The following PRDM6 variants were observed in gnomAD, a reference collection of about 807,000 sequenced individuals.
PRDM6 encodes the protein putative histone-lysine N-methyltransferase PRDM6.
A neutral mutation model predicts 60.8 loss-of-function variants in PRDM6; 25 were observed. That is an observed-to-expected ratio of 0.41 (90% CI 0.30 to 0.57). The LOEUF is 0.57. PRDM6 is among the 20% of genes least tolerant of loss of function. The pLI is 0.27. For missense variants in PRDM6, 839 were observed against 821.3 expected (o/e 1.02, Z -0.26); for synonymous variants, 407 against 357.4 (o/e 1.14, Z -1.57).
chr5:123,141,806 G>T (rs1765109698), intron 3 of PRDM6, among the ~76,000 whole-genome samples: 1 of 152,146 alleles, frequency 6.6e-6, no homozygotes, highest in Admixed American at 6.5e-5. Flanking sequence ...TGAGCACTTA[G>T]TGTGTGTCAG....
intron 3 of PRDM6, among the ~76,000 whole-genome samples, chr5:123,129,993 TC>T (rs1372580910): frequency 5.1e-5 from 7 of 138,144 alleles, no homozygotes; most frequent in African/African-American, 1.9e-4. Flanking sequence ...TACTTTCCCT[TC>T]CCATTTCCCT....
At chr5:123,182,082 G>A (rs1211375373) in intron 7 of PRDM6, among the ~76,000 whole-genome samples, 1 of 152,188 alleles carries the variant, frequency 6.6e-6, no homozygotes, top group East Asian at 1.9e-4. Context: ...AATCAAGTCT[G>A]TACTATGCCA....
intron 3 of PRDM6, among the ~76,000 whole-genome samples, chr5:123,102,861 TCA>T (rs1410901878): frequency 6.6e-6 from 1 of 152,118 alleles, no homozygotes; most frequent in Non-Finnish European, 1.5e-5. Flanking sequence ...GATTTTTGTT[TCA>T]GTTTACACTT....
intron 5 of PRDM6, among the ~76,000 whole-genome samples, chr5:123,160,238 G>T (rs539924423): frequency 1.3e-5 from 2 of 152,116 alleles, no homozygotes; most frequent in Admixed American, 6.5e-5. Flanking sequence ...CTTTATTACC[G>T]TGCCAACCAT....
At chr5:123,155,791 T>G (rs975840693) in intron 3 of PRDM6, 93 bp from the exon 4 acceptor site, 26 of 1,415,088 alleles carry the variant, frequency 1.8e-5, no homozygotes, top group Non-Finnish European at 2.3e-5. Flanking sequence ...GCAATAAATT[T>G]CTGCAGCTGA....
intron 3 of PRDM6, among the ~76,000 whole-genome samples, chr5:123,116,854 A>C (rs1402895632): frequency 6.6e-6 from 1 of 152,172 alleles, no homozygotes; most frequent in Non-Finnish European, 1.5e-5. Flanking sequence ...ATAAATAGAT[A>C]ATTGCTGAAA....
At chr5:123,154,187 A>C (rs1765440828) in intron 3 of PRDM6, among the ~76,000 whole-genome samples, 1 of 152,196 alleles carries the variant, frequency 6.6e-6, no homozygotes, top group South Asian at 2.1e-4. Context: ...AAAAACAGAA[A>C]CAACTACAGT....
intron 3 of PRDM6, among the ~76,000 whole-genome samples, chr5:123,137,762 T>C (rs391555): frequency 0.72 from 110,057 of 151,934 alleles, 40,022 homozygotes; most frequent in Non-Finnish European, 0.75. Flanking sequence ...ACGTTCTGCA[T>C]ATGTATCTCA....
intron 3 of PRDM6, among the ~76,000 whole-genome samples, chr5:123,154,478 TG>T (rs1765448506): frequency 6.6e-6 from 1 of 151,998 alleles, no homozygotes; most frequent in Non-Finnish European, 1.5e-5. Flanking sequence ...AGGTTGGGGT[TG>T]GAGAGGAATG....
intron 3 of PRDM6, among the ~76,000 whole-genome samples, chr5:123,153,713 G>C (rs1445818849): frequency 6.6e-6 from 1 of 152,162 alleles, no homozygotes; most frequent in Non-Finnish European, 1.5e-5. Flanking sequence ...GATTACTGCT[G>C]AAACAAGAGT....
At chr5:123,121,746 T>A (rs189020347) in intron 3 of PRDM6, among the ~76,000 whole-genome samples, 1 of 152,322 alleles carries the variant, frequency 6.6e-6, no homozygotes, top group East Asian at 1.9e-4. Context: ...CCCAAATATT[T>A]TTTATAGTTA....
At chr5:123,149,212 C>T (rs1327286401) in intron 3 of PRDM6, among the ~76,000 whole-genome samples, 2 of 152,102 alleles carry the variant, frequency 1.3e-5, no homozygotes, top group African/African-American at 2.4e-5. Flanking sequence ...GTTAGTAGGC[C>T]ACACTGTTGT....
At chr5:123,128,779 C>A (rs1764751184) in intron 3 of PRDM6, among the ~76,000 whole-genome samples, 2 of 152,222 alleles carry the variant, frequency 1.3e-5, no homozygotes, top group African/African-American at 4.8e-5. Context: ...AATTAGATCC[C>A]ATTTGTCTAT....
chr5:123,139,912 A>G (rs1158222805), intron 3 of PRDM6, among the ~76,000 whole-genome samples: 1 of 152,096 alleles, frequency 6.6e-6, no homozygotes, highest in Non-Finnish European at 1.5e-5. Context: ...TGCTGCAGGA[A>G]GGGCTTCTGT....
At chr5:123,157,281 A>G (rs1401733574) in intron 4 of PRDM6, among the ~76,000 whole-genome samples, 1 of 152,154 alleles carries the variant, frequency 6.6e-6, no homozygotes, top group Non-Finnish European at 1.5e-5. Context: ...ACACTGCTGT[A>G]TGTGGGCTTT....
At chr5:123,135,861 C>T (rs570069361) in intron 3 of PRDM6, among the ~76,000 whole-genome samples, 1 of 152,182 alleles carries the variant, frequency 6.6e-6, no homozygotes, top group Admixed American at 6.5e-5. Context: ...CAGACCAATC[C>T]GCTTGGACAG....
chr5:123,105,045 C>T (rs1241277907), intron 3 of PRDM6, among the ~76,000 whole-genome samples: 20 of 152,220 alleles, frequency 1.3e-4, no homozygotes, highest in Non-Finnish European at 2.4e-4. Flanking sequence ...TCCCAACATG[C>T]ATGTGACACT....
At chr5:123,146,426 G>A (rs552774397) in intron 3 of PRDM6, among the ~76,000 whole-genome samples, 1 of 152,240 alleles carries the variant, frequency 6.6e-6, no homozygotes, top group South Asian at 2.1e-4. Context: ...TATGTAACAT[G>A]CAAATCCCAT....
At chr5:123,144,623 C>G (rs589928) in intron 3 of PRDM6, among the ~76,000 whole-genome samples, 48,430 of 151,978 alleles carry the variant, frequency 0.32, 8,142 homozygotes, top group Middle Eastern at 0.37. Flanking sequence ...AGAACCAACA[C>G]TTGGAGAGAG....
Sources: gnomAD v4.1 joint callset for allele counts (sites outside exome capture counted in the v4.1 genomes callset) on GRCh38, gnomAD v4.1.1 for gene constraint, MANE v1.5 for transcripts, NCBI Gene and HGNC (gene_info 2026-07-23, HGNC 2026-07-21) for gene names.